SHQ1: variants seen among roughly 807,000 people sequenced by gnomAD.
SHQ1 encodes SHQ1, H/ACA ribonucleoprotein assembly factor, also known as protein SHQ1 homolog.
Under a neutral mutation model 53.8 loss-of-function variants are expected in SHQ1, and 49 were observed. The observed-to-expected ratio is 0.91, with a 90% CI of 0.72 to 1.16. The LOEUF is 1.16. Ranked by LOEUF, SHQ1 falls within the 50% of genes most tolerant of loss-of-function variation. The pLI is 0.00. For missense variants in SHQ1, 738 were observed against 683.1 expected (o/e 1.08, Z -0.90); for synonymous variants, 243 against 251.0 (o/e 0.97, Z 0.30).
chr3:72,803,773 G>T (rs1706860864), intron 9 of SHQ1, among the ~76,000 whole-genome samples: 1 of 152,012 alleles, frequency 6.6e-6, no homozygotes, highest in African/African-American at 2.4e-5. Context: ...CTTTATTTAT[G>T]GACTCTAAAA....
At chr3:72,778,298 A>G (rs1206490539) in intron 10 of SHQ1, among the ~76,000 whole-genome samples, 2 of 152,076 alleles carry the variant, frequency 1.3e-5, no homozygotes, top group African/African-American at 4.8e-5. Flanking sequence ...TATCTCTACA[A>G]AAAATAAAAA....
the SHQ1 span, among the ~76,000 whole-genome samples, chr3:72,741,451 T>C: frequency 6.6e-6 from 1 of 152,130 alleles, no homozygotes; most frequent in Non-Finnish European, 1.5e-5. Flanking sequence ...CCAGATGTGG[T>C]GGCAGACGCC....
chr3:72,778,526 C>A (rs1035180448), intron 10 of SHQ1, among the ~76,000 whole-genome samples: 4 of 151,968 alleles, frequency 2.6e-5, no homozygotes, highest in Non-Finnish European at 5.9e-5. Context: ...CATTACTATT[C>A]TTTCATTTGT....
At chr3:72,791,422 T>G (rs1307870757) in intron 10 of SHQ1, among the ~76,000 whole-genome samples, 1 of 152,208 alleles carries the variant, frequency 6.6e-6, no homozygotes, top group East Asian at 1.9e-4. Context: ...TTATTAGGCA[T>G]TATCTTGAGC....
At chr3:72,816,548 T>C (rs986802144) in intron 7 of SHQ1, among the ~76,000 whole-genome samples, 1 of 152,082 alleles carries the variant, frequency 6.6e-6, no homozygotes, top group Admixed American at 6.6e-5. Context: ...ATACAATCAA[T>C]GGTACAGGTG....
chr3:72,726,705 C>A, the SHQ1 span, among the ~76,000 whole-genome samples: 2 of 152,170 alleles, frequency 1.3e-5, no homozygotes. Flanking sequence ...CCAGCACAAG[C>A]TCAGGGCGAA....
Position 72,839,708 on chromosome 3 carries a change from G to A in SHQ1, c.486+1337C>T, listed in dbSNP as rs186863696. On this transcript the variant is annotated intron_variant, in intron 4 of 10. Coordinates refer to ENST00000325599, the MANE Select transcript of SHQ1 (RefSeq NM_018130.3). ...AACCCAGGTCTTTTCCCTCTCCTTC[G>A]TAAATTCAAATATGTCTTAAGATAA... 5.5e-3 allele frequency among the ~76,000 whole-genome samples: 843 copies of A among 152,154 alleles called. 8 individuals carry two copies. The highest frequency in any genetic ancestry group is 0.018 in the African/African-American group (751 of 41,524).
chr3:72,828,241 C>T (rs1366292796), intron 5 of SHQ1, among the ~76,000 whole-genome samples: 5 of 152,154 alleles, frequency 3.3e-5, no homozygotes, highest in Admixed American at 2.6e-4. Context: ...CAAACTGTAA[C>T]AGGGGAGCAC....
chr3:72,796,938 A>AG (rs1210647088), intron 9 of SHQ1, among the ~76,000 whole-genome samples: 5 of 151,308 alleles, frequency 3.3e-5, no homozygotes, highest in African/African-American at 1.2e-4. Flanking sequence ...TAAAAAAAAA[A>AG]AAAAAAAAAA....
chr3:72,732,113 T>C, the SHQ1 span, among the ~76,000 whole-genome samples: 3 of 151,662 alleles, frequency 2.0e-5, no homozygotes, highest in Admixed American at 2.0e-4. Flanking sequence ...GCAAGCAGAT[T>C]GTAAATACAC....
At chr3:72,814,067 T>C (rs938140098) in intron 8 of SHQ1, among the ~76,000 whole-genome samples, 1 of 152,050 alleles carries the variant, frequency 6.6e-6, no homozygotes, top group Non-Finnish European at 1.5e-5. Context: ...AATTTAAAAT[T>C]AAAACCAAGG....
At chr3:72,773,481 C>T in intron 10 of SHQ1, 1 of 206,910 alleles carries the variant, frequency 4.8e-6, no homozygotes, top group Non-Finnish European at 9.8e-6. Context: ...ATAAAGACAG[C>T]TTAAAAAAAA....
intron 5 of SHQ1, among the ~76,000 whole-genome samples, chr3:72,827,405 A>G (rs1707692881): frequency 6.6e-6 from 1 of 152,118 alleles, no homozygotes; most frequent in African/African-American, 2.4e-5. Flanking sequence ...TGGACACCAC[A>G]GCGCAGAGGA....
chr3:72,790,475 T>C (rs1245615196), intron 10 of SHQ1, among the ~76,000 whole-genome samples: 2 of 152,132 alleles, frequency 1.3e-5, no homozygotes, highest in African/African-American at 2.4e-5. Context: ...GAAAAATACA[T>C]GGCTCTTTTC....
At chr3:72,732,768 G>C in the SHQ1 span, among the ~76,000 whole-genome samples, 1 of 151,264 alleles carries the variant, frequency 6.6e-6, no homozygotes, top group South Asian at 2.1e-4. Context: ...CCATCCTCTT[G>C]ACCAACAAGC....
intron 9 of SHQ1, among the ~76,000 whole-genome samples, chr3:72,799,916 A>G (rs1264979125): frequency 6.6e-6 from 1 of 152,150 alleles, no homozygotes; most frequent in Non-Finnish European, 1.5e-5. Context: ...TTCTGGAAAC[A>G]GGGTTCTAAC....
chr3:72,836,242 C>T (rs1027401067), intron 4 of SHQ1, among the ~76,000 whole-genome samples: 1 of 152,230 alleles, frequency 6.6e-6, no homozygotes, highest in African/African-American at 2.4e-5. Flanking sequence ...GTAATCCCAG[C>T]ACTTTGGGAG....
intron 9 of SHQ1, among the ~76,000 whole-genome samples, chr3:72,812,438 TTC>T (rs1383702859): frequency 6.6e-5 from 10 of 152,350 alleles, no homozygotes; most frequent in South Asian, 4.1e-4. Flanking sequence ...TATGTGTGCC[TTC>T]TCTGTTTACC....
the SHQ1 span, among the ~76,000 whole-genome samples, chr3:72,729,405 C>T: frequency 6.6e-6 from 1 of 152,180 alleles, no homozygotes; most frequent in African/African-American, 2.4e-5. Flanking sequence ...GTGCTGCCTC[C>T]AGCCTCCTGA....
Sources: allele counts gnomAD v4.1 joint callset (sites outside exome capture counted in the v4.1 genomes callset), GRCh38; gene constraint gnomAD v4.1.1; transcripts MANE v1.5; gene names NCBI Gene and HGNC (gene_info 2026-07-23, HGNC 2026-07-21).